The following PLA2G4A variants were observed in gnomAD, a reference collection of about 807,000 sequenced individuals.
PLA2G4A encodes the protein phospholipase A2 group IVA, also known as cytosolic phospholipase A2.
PLA2G4A carries 40 observed loss-of-function variants against 81.9 expected under a neutral mutation model. The observed-to-expected ratio is 0.49, with a 90% CI of 0.38 to 0.64. PLA2G4A has a LOEUF of 0.64. Among genes scored for constraint, PLA2G4A ranks in the 30% least tolerant of loss-of-function variants. PLA2G4A has a pLI of 0.00. For missense variants in PLA2G4A, 715 were observed against 905.1 expected (o/e 0.79, Z 2.69); for synonymous variants, 302 against 296.9 (o/e 1.02, Z -0.18).
intron 5 of PLA2G4A, among the ~76,000 whole-genome samples, chr1:186,905,562 C>T (rs1270842056): frequency 6.6e-6 from 1 of 152,108 alleles, no homozygotes; most frequent in Non-Finnish European, 1.5e-5. Context: ...TATGTATATG[C>T]TTCTTTGATG....
At chr1:186,950,634 A>AT in intron 12 of PLA2G4A, 23 bp from the exon 13 acceptor site, 4 of 1,403,808 alleles carry the variant, frequency 2.8e-6, no homozygotes, top group Non-Finnish European at 3.0e-6. Context: ...AAATGCTTCA[A>AT]TTTTTTTGTT....
chr1:186,840,625 C>A (rs1234765647), intron 1 of PLA2G4A, among the ~76,000 whole-genome samples: 1 of 152,178 alleles, frequency 6.6e-6, no homozygotes, highest in African/African-American at 2.4e-5. Flanking sequence ...TCAGATCAAT[C>A]TCACCGGCTG....
At chr1:186,960,920 A>G (rs1656920597) in intron 14 of PLA2G4A, among the ~76,000 whole-genome samples, 1 of 152,162 alleles carries the variant, frequency 6.6e-6, no homozygotes, top group Non-Finnish European at 1.5e-5. Flanking sequence ...ACATGACCTT[A>G]TTTAATCATG....
chr1:186,957,609 G>A (rs1656800124), intron 14 of PLA2G4A, among the ~76,000 whole-genome samples: 1 of 152,222 alleles, frequency 6.6e-6, no homozygotes, highest in Non-Finnish European at 1.5e-5. Context: ...TAGGGCTTGA[G>A]TAAGCCAGCC....
intron 3 of PLA2G4A, among the ~76,000 whole-genome samples, chr1:186,889,481 G>A (rs923343637): frequency 2.0e-5 from 3 of 152,110 alleles, no homozygotes; most frequent in South Asian, 2.1e-4. Flanking sequence ...GGTCCAAGCC[G>A]GAAAATTAAA....
intron 2 of PLA2G4A, among the ~76,000 whole-genome samples, chr1:186,854,805 TTAGA>T (rs1429535671): frequency 1.3e-4 from 20 of 152,036 alleles, no homozygotes; most frequent in Admixed American, 1.3e-3. Flanking sequence ...TTTCCCTTAG[TTAGA>T]TATGTTTAAA....
chr1:186,868,587 A>C (rs1254927655), intron 2 of PLA2G4A, among the ~76,000 whole-genome samples: 1 of 152,224 alleles, frequency 6.6e-6, no homozygotes, highest in African/African-American at 2.4e-5. Context: ...ATTGTAGATA[A>C]TCGATACAAG....
intron 14 of PLA2G4A, 91 bp downstream of exon 14, chr1:186,956,435 C>T (rs999684292): frequency 8.7e-7 from 1 of 1,146,812 alleles, no homozygotes; most frequent in Non-Finnish European, 1.3e-6. Flanking sequence ...TTAACACTTA[C>T]TCATTTATTA....
In PLA2G4A at chr1:186,873,665, T is replaced by G. The variant is rs1653367766; in HGVS notation, c.115+3149T>G. 2.0e-5 allele frequency among the ~76,000 whole-genome samples: 3 copies of G among 152,120 alleles called. No individual in the cohort carries two copies. In the South Asian group the frequency reaches 6.2e-4, roughly 31 times the overall value. On this transcript the variant is annotated intron_variant, in intron 3 of 17. Transcript: ENST00000367466. ...ATCTATTTTTTATTTTGTCCTTTGA[T>G]AAATCATGCTACCCTAACTACCTAC...
chr1:186,933,895 G>A (rs936923201), intron 8 of PLA2G4A, among the ~76,000 whole-genome samples: 3 of 151,862 alleles, frequency 2.0e-5, no homozygotes, highest in Non-Finnish European at 4.4e-5. Context: ...CTCTTTTCTG[G>A]GACATCTATA....
intron 1 of PLA2G4A, among the ~76,000 whole-genome samples, chr1:186,849,988 A>G (rs1052473944): frequency 5.9e-5 from 9 of 152,266 alleles, no homozygotes; most frequent in Admixed American, 5.9e-4. Context: ...GTATGGCTTT[A>G]GCATAGAAAG....
chr1:186,832,852 G>A (rs775453220), intron 1 of PLA2G4A, among the ~76,000 whole-genome samples: 7 of 152,190 alleles, frequency 4.6e-5, no homozygotes, highest in Admixed American at 1.3e-4. Flanking sequence ...TGAACTGGAA[G>A]TAGAAATTCT....
At chr1:186,857,968 A>C (rs1458141533) in intron 2 of PLA2G4A, among the ~76,000 whole-genome samples, 1 of 152,068 alleles carries the variant, frequency 6.6e-6, no homozygotes. Context: ...TTCCATGGTG[A>C]ATATGTGCCA....
At chr1:186,927,761 A>G (rs1240892469) in intron 7 of PLA2G4A, among the ~76,000 whole-genome samples, 1 of 152,242 alleles carries the variant, frequency 6.6e-6, no homozygotes, top group Non-Finnish European at 1.5e-5. Flanking sequence ...CTAGAGAAAG[A>G]CAGATCATCT....
chr1:186,946,408 TA>T (rs1486087141), intron 10 of PLA2G4A, among the ~76,000 whole-genome samples: 1 of 151,872 alleles, frequency 6.6e-6, no homozygotes, highest in Admixed American at 6.6e-5. Flanking sequence ...TTCTGCAAAT[TA>T]GAAGGGATCT....
chr1:186,878,235 T>G (rs1200543529), intron 3 of PLA2G4A, among the ~76,000 whole-genome samples: 6 of 142,500 alleles, frequency 4.2e-5, no homozygotes, highest in Non-Finnish European at 6.2e-5. Flanking sequence ...TTTATATATA[T>G]CTATATAAAT....
chr1:186,966,791 G>T (rs556209326), intron 15 of PLA2G4A, among the ~76,000 whole-genome samples: 2 of 152,194 alleles, frequency 1.3e-5, no homozygotes, highest in African/African-American at 4.8e-5. Flanking sequence ...CAGTCAATTC[G>T]TCTAATACAG....
At chr1:186,949,859 C>CAA (rs10592003) in intron 12 of PLA2G4A, among the ~76,000 whole-genome samples, 1 of 147,346 alleles carries the variant, frequency 6.8e-6, no homozygotes, top group Non-Finnish European at 1.5e-5. Context: ...TCATTTCTAC[C>CAA]AAAAAAAAAA....
At chr1:186,933,350 C>A (rs1284921151) in intron 8 of PLA2G4A, among the ~76,000 whole-genome samples, 1 of 151,982 alleles carries the variant, frequency 6.6e-6, no homozygotes, top group East Asian at 1.9e-4. Context: ...GTATACAGAA[C>A]AAAGAAAACA....
Sources: gnomAD v4.1 joint callset for allele counts (sites outside exome capture counted in the v4.1 genomes callset) on GRCh38, gnomAD v4.1.1 for gene constraint, MANE v1.5 for transcripts, NCBI Gene and HGNC (gene_info 2026-07-23, HGNC 2026-07-21) for gene names.